ROBO2: variants seen among roughly 807,000 people sequenced by gnomAD.
The protein encoded by ROBO2 is roundabout guidance receptor 2.
ROBO2 carries 53 observed loss-of-function variants against 160.8 expected under a neutral mutation model. The observed-to-expected ratio is 0.33, with a 90% confidence interval of 0.26 to 0.41. The LOEUF (loss-of-function observed/expected upper bound fraction) is 0.41, where lower values mean the gene tolerates loss of function less well. ROBO2 is among the 10% of genes least tolerant of loss of function. The pLI is 1.00. For missense variants in ROBO2, 1,577 were observed against 1,722.4 expected, an observed-to-expected ratio of 0.92 and a Z score of 1.49; for synonymous variants, 664 against 611.7, an observed-to-expected ratio of 1.09 and a Z score of -1.26.
intron 2 of ROBO2, among the ~76,000 whole-genome samples, chr3:76,816,237 G>T (rs983262037): frequency 6.6e-6 from 1 of 152,068 alleles, no homozygotes; most frequent in African/African-American, 2.4e-5. Flanking sequence ...GCCACGTGTG[G>T]ATCGGACGTT....
intron 2 of ROBO2, among the ~76,000 whole-genome samples, chr3:76,055,862 G>T (rs529156072): frequency 6.6e-6 from 1 of 152,044 alleles, no homozygotes; most frequent in South Asian, 2.1e-4. Flanking sequence ...GGGTTCAAGC[G>T]ATTCTCCTGC....
chr3:77,472,621 C>A (rs549986926), intron 2 of ROBO2, among the ~76,000 whole-genome samples: 1 of 152,266 alleles, frequency 6.6e-6, no homozygotes, highest in South Asian at 2.1e-4. Flanking sequence ...ATATCCCCCC[C>A]ACCTCACCCC....
At chr3:76,329,417 C>T (rs1211481507) in intron 2 of ROBO2, among the ~76,000 whole-genome samples, 1 of 152,164 alleles carries the variant, frequency 6.6e-6, no homozygotes, top group Non-Finnish European at 1.5e-5. Context: ...GGGGTTTCCC[C>T]GTGTTGGCCG....
In ROBO2 at chr3:76,261,168, A is replaced by ATGTG. The variant is rs66742168; in HGVS notation, c.109+323598_109+323601dup. On this transcript the variant is annotated intron_variant, in intron 2 of 26. Coordinates refer to the ROBO2 transcript ENST00000487694. Reference sequence around the variant, plus strand: ...TCAAATTTTTCTTTTAAACTAAATTATGTGTGTGTGTGTGTGTGTGTGTGT... The same window carrying ATGTG: ...TCAAATTTTTCTTTTAAACTAAATTATGTGTGTGTGTGTGTGTGTGTGTGTGTGT... Among the ~76,000 whole-genome samples the ATGTG allele has an allele frequency of 7.1e-3, 877 of 122,790 alleles. 11 individuals are homozygous for ATGTG. The highest frequency in any genetic ancestry group is 0.019 in the African/African-American group (706 of 36,786). 80.6% of individuals were successfully genotyped at this position (122,790 alleles called of 152,430 possible).
At chr3:76,379,505 T>G (rs1411458610) in intron 2 of ROBO2, among the ~76,000 whole-genome samples, 3 of 152,322 alleles carry the variant, frequency 2.0e-5, no homozygotes, top group Admixed American at 6.5e-5. Flanking sequence ...GGGCTATGCT[T>G]GTAGTGTCTC....
Position 77,583,152 on chromosome 3 carries a change from C to CAAAAAAAAAAAAAAAAAAAAAA in ROBO2, c.2500+3035_2500+3056dup, listed in dbSNP as rs56827523. Among the ~76,000 whole-genome samples the CAAAAAAAAAAAAAAAAAAAAAA allele has an allele frequency of 3.7e-5, 2 of 53,770 alleles. 1 individual carries two copies. Among genetic ancestry groups the CAAAAAAAAAAAAAAAAAAAAAA allele is most frequent in the Non-Finnish European group, 6.7e-5 (2 of 29,946 alleles). 35.3% of individuals were successfully genotyped at this position (53,770 alleles called of 152,430 possible). On this transcript the variant is annotated intron_variant, in intron 16 of 25. Transcript: ENST00000461745. The stretch of plus-strand genomic sequence containing the variant: ...GTCACTGAGCGAGACTCTGTCTCTC[C>CAAAAAAAAAAAAAAAAAAAAAA]AAAAAAAAAAAAAAAAAAAAAAGGA...
chr3:76,797,190 C>A (rs1448855147), intron 2 of ROBO2, among the ~76,000 whole-genome samples: 2 of 152,094 alleles, frequency 1.3e-5, no homozygotes, highest in Non-Finnish European at 2.9e-5. Context: ...ACAGACCTTA[C>A]ATTAGGCCAA....
At chr3:76,854,005 A>G (rs1224944271) in intron 2 of ROBO2, among the ~76,000 whole-genome samples, 1 of 150,850 alleles carries the variant, frequency 6.6e-6, no homozygotes, top group East Asian at 2.0e-4. Context: ...ATGGACAGCC[A>G]AAAGCATAGA....
rs1326164307 is a variant in ROBO2, at chr3:76,216,574, T to C, written c.109+278972T>C. The stretch of plus-strand genomic sequence containing the variant: ...AAAAGAGACAAAGAAGGCCATTACG[T>C]AATGGTAAAGGGATCAATTCAACAA... On this transcript the variant is annotated intron_variant, in intron 2 of 26. Transcript: ENST00000487694. Among the ~76,000 whole-genome samples the C allele has an allele frequency of 5.9e-5, 9 of 152,304 alleles. No individual in the cohort carries two copies. The East Asian group carries it at 1.7e-3, about 29-fold the overall frequency.
At chr3:76,739,213 A>G (rs887385733) in intron 2 of ROBO2, among the ~76,000 whole-genome samples, 10 of 152,180 alleles carry the variant, frequency 6.6e-5, no homozygotes, top group African/African-American at 2.4e-4. Context: ...CACGATAGCA[A>G]AGACTTGGAA....
chr3:76,188,780 G>A (rs1457338377), intron 2 of ROBO2, among the ~76,000 whole-genome samples: 1 of 152,078 alleles, frequency 6.6e-6, no homozygotes, highest in Non-Finnish European at 1.5e-5. Context: ...TGCAGTCAAG[G>A]ACCAAGCTTT....
chr3:76,622,265 A>AGAAG (rs1560252726), intron 2 of ROBO2, among the ~76,000 whole-genome samples: 71 of 66,236 alleles, frequency 1.1e-3, no homozygotes, highest in South Asian at 2.1e-3. Context: ...AAAGAAAGAA[A>AGAAG]GAAAGAAAGA....
intron 2 of ROBO2, among the ~76,000 whole-genome samples, chr3:76,726,287 A>G (rs1425478093): frequency 2.0e-5 from 3 of 151,882 alleles, no homozygotes; most frequent in Non-Finnish European, 4.4e-5. Flanking sequence ...GTTCAGTCTC[A>G]TTTTGTTCTC....
At chr3:76,985,549 C>T (rs2060328399) in intron 2 of ROBO2, among the ~76,000 whole-genome samples, 1 of 124,056 alleles carries the variant, frequency 8.1e-6, no homozygotes, top group African/African-American at 3.2e-5. Context: ...GCACTCCAGC[C>T]TGGGCGACAA....
At chr3:76,459,377 G>A (rs1425961996) in intron 2 of ROBO2, among the ~76,000 whole-genome samples, 2 of 152,106 alleles carry the variant, frequency 1.3e-5, no homozygotes, top group African/African-American at 4.8e-5. Flanking sequence ...GTGGCAAAAA[G>A]AATTTATTAA....
chr3:76,223,210 G>A (rs1704080878), intron 2 of ROBO2, among the ~76,000 whole-genome samples: 1 of 151,818 alleles, frequency 6.6e-6, no homozygotes, highest in African/African-American at 2.4e-5. Flanking sequence ...TAGAACTGAA[G>A]TCTAGTTATG....
At chr3:76,058,589 C>CTTTTTT (rs10676074) in intron 2 of ROBO2, among the ~76,000 whole-genome samples, 19 of 48,858 alleles carry the variant, frequency 3.9e-4, no homozygotes, top group East Asian at 1.3e-3. Context: ...ACAGCAGAAA[C>CTTTTTT]TTTTTTTTTT....
At chr3:77,408,852 A>G (rs2076469528) in intron 2 of ROBO2, among the ~76,000 whole-genome samples, 1 of 151,874 alleles carries the variant, frequency 6.6e-6, no homozygotes, top group Non-Finnish European at 1.5e-5. Flanking sequence ...AGCCTCTTGC[A>G]TAGCTGGGGC....
At position 77,015,581 on chromosome 3, in the gene ROBO2, A is replaced by G. The variant is rs574707576; in HGVS notation, c.110-82433A>G. 3.3e-5 allele frequency among the ~76,000 whole-genome samples: 5 copies of G among 152,346 alleles called. No homozygotes were observed. The South Asian group carries it at 8.3e-4, about 25-fold the overall frequency. ...CGTTGGGTAGCATCATAAAAAATCA[A>G]TGAATTTTAGAGTTAGAAGGGGCTA... On this transcript the variant is annotated intron_variant, in intron 2 of 26. Transcript: ENST00000487694.
Sources: gnomAD v4.1 joint callset for allele counts (sites outside exome capture counted in the v4.1 genomes callset) on GRCh38, gnomAD v4.1.1 for gene constraint, MANE v1.5 for transcripts, NCBI Gene and HGNC (gene_info 2026-07-23, HGNC 2026-07-21) for gene names.